The following BDNF variants were observed in gnomAD, a reference collection of about 807,000 sequenced individuals.
BDNF encodes the protein neurotrophic factor BDNF precursor form.
Under a neutral mutation model 19.5 loss-of-function variants are expected in BDNF, and 1 was observed. That is an observed-to-expected ratio of 0.05 (90% confidence interval 0.02 to 0.24). BDNF has a LOEUF of 0.24. Among genes scored for constraint, BDNF ranks in the 10% least tolerant of loss-of-function variants. The pLI is 1.00. For missense variants in BDNF, 195 were observed against 317.6 expected (o/e 0.61, Z 2.93); for synonymous variants, 100 against 121.6 (o/e 0.82, Z 1.17).
At chr11:27,721,190 A>C (rs923966936) in intron 1 of BDNF, among the ~76,000 whole-genome samples, 45 of 150,314 alleles carry the variant, frequency 3.0e-4, no homozygotes, top group East Asian at 5.9e-4. Context: ...TATAACACAC[A>C]CCCCCCCACC....
chr11:27,672,784 A>C (rs1855566233), intron 1 of BDNF, among the ~76,000 whole-genome samples: 2 of 152,154 alleles, frequency 1.3e-5, no homozygotes, highest in South Asian at 4.1e-4. Flanking sequence ...GCTTTTAAAA[A>C]AGGAAAAAAG....
At chr11:27,717,114 T>G (rs1040614757) in intron 1 of BDNF, among the ~76,000 whole-genome samples, 1 of 152,186 alleles carries the variant, frequency 6.6e-6, no homozygotes, top group African/African-American at 2.4e-5. Flanking sequence ...TATTAAGAAT[T>G]TAGATCAGAA....
intron 1 of BDNF, among the ~76,000 whole-genome samples, chr11:27,681,776 G>A (rs1332194798): frequency 1.3e-5 from 2 of 152,162 alleles, no homozygotes; most frequent in Non-Finnish European, 2.9e-5. Flanking sequence ...AACAGTGGCT[G>A]AAATTCATTA....
upstream of BDNF, among the ~76,000 whole-genome samples, chr11:27,702,840 G>A (rs979806253): frequency 2.0e-5 from 3 of 152,062 alleles, no homozygotes; most frequent in African/African-American, 7.3e-5. Flanking sequence ...GAAGTACCAG[G>A]GACAAGACTT....
chr11:27,695,480 G>T (rs750780902), intron 1 of BDNF, among the ~76,000 whole-genome samples: 12 of 152,014 alleles, frequency 7.9e-5, no homozygotes, highest in South Asian at 2.1e-4. Flanking sequence ...AAACACAGAG[G>T]GTCGTCATAA....
At position 27,720,395 on chromosome 11, in the gene BDNF, C is replaced by T. The variant is rs1027490448; in HGVS notation, c.3+1017G>A. On this transcript the variant is annotated intron_variant, in intron 1 of 1. Coordinates refer to the BDNF transcript ENST00000314915. ...GGTGGCTAGATCCTGGAGATAAACA[C>T]TTGCATTTCCCAAAGTTAACCCAGT... 5 of 985,788 alleles carry T rather than the reference C, an allele frequency of 5.1e-6. No homozygotes were observed. The African/African-American group carries it at 7.0e-5, about 14-fold the overall frequency. 61.1% of individuals were successfully genotyped at this position (985,788 alleles called of 1,614,324 possible). A position where few individuals can be genotyped will look rare whatever the true frequency, so the allele number is the denominator to read the frequency against.
At chr11:27,681,810 C>G (rs1856861639) in intron 1 of BDNF, among the ~76,000 whole-genome samples, 1 of 152,126 alleles carries the variant, frequency 6.6e-6, no homozygotes, top group Non-Finnish European at 1.5e-5. Context: ...CCAAGCACTG[C>G]TCTAAGCACT....
intron 1 of BDNF, among the ~76,000 whole-genome samples, chr11:27,712,128 C>G (rs529797772): frequency 1.3e-5 from 2 of 152,272 alleles, no homozygotes; most frequent in South Asian, 4.1e-4. Context: ...ATGCTGATTT[C>G]CTTTTGCCAG....
intron 1 of BDNF, chr11:27,691,059 C>A (rs1201802517): frequency 6.6e-6 from 1 of 152,160 alleles, no homozygotes; most frequent in Non-Finnish European, 1.5e-5. Context: ...GTCTAACAAA[C>A]ATTTTTATTG....
At chr11:27,671,114 AC>A (rs1361278253) in intron 1 of BDNF, among the ~76,000 whole-genome samples, 1 of 151,960 alleles carries the variant, frequency 6.6e-6, no homozygotes. Flanking sequence ...CAATGAGAAC[AC>A]TTGGACACAG....
chr11:27,706,011 C>G (rs1015213319), intron 1 of BDNF, among the ~76,000 whole-genome samples: 1 of 152,074 alleles, frequency 6.6e-6, no homozygotes, highest in East Asian at 1.9e-4. Context: ...TTTCCCTTGC[C>G]GTAGGTTTGG....
intron 1 of BDNF, chr11:27,699,641 C>G: frequency 7.0e-7 from 1 of 1,436,136 alleles, no homozygotes; most frequent in Non-Finnish European, 9.1e-7. Flanking sequence ...ACTTCAGTCT[C>G]AATTCCTGGG....
At chr11:27,664,944 G>A (rs1219359498) in intron 1 of BDNF, among the ~76,000 whole-genome samples, 2 of 152,120 alleles carry the variant, frequency 1.3e-5, no homozygotes, top group African/African-American at 4.8e-5. Flanking sequence ...AGAAGTCTTA[G>A]CATCAAGCAT....
At chr11:27,721,697 C>T in exon 1 of BDNF, 1 of 539,742 alleles carries the variant, frequency 1.9e-6, no homozygotes, top group South Asian at 2.2e-5. Context: ...GACACGTTTC[C>T]TTTTGAGTTC....
At chr11:27,697,262 G>A (rs1213565767) in intron 1 of BDNF, among the ~76,000 whole-genome samples, 1 of 152,100 alleles carries the variant, frequency 6.6e-6, no homozygotes, top group African/African-American at 2.4e-5. Flanking sequence ...ACTATCAGGT[G>A]GGCGTGCCCA....
At chr11:27,712,927 CTTTTTT>C (rs112937534) in intron 1 of BDNF, among the ~76,000 whole-genome samples, 1 of 117,276 alleles carries the variant, frequency 8.5e-6, no homozygotes. Flanking sequence ...TTCTTTCTTT[CTTTTTT>C]TTTTTTTTTT....
At chr11:27,694,743 ATCT>A (rs1858775717) in intron 1 of BDNF, among the ~76,000 whole-genome samples, 1 of 152,114 alleles carries the variant, frequency 6.6e-6, no homozygotes, top group African/African-American at 2.4e-5. Context: ...TTATTCTCAC[ATCT>A]TCTGAGTACA....
intron 1 of BDNF, among the ~76,000 whole-genome samples, chr11:27,689,951 C>A (rs1447409778): frequency 6.6e-6 from 1 of 152,080 alleles, no homozygotes; most frequent in Non-Finnish European, 1.5e-5. Flanking sequence ...GTTCAGCTCC[C>A]ACTTATGAGT....
intron 1 of BDNF, chr11:27,677,631 C>G (rs2133938521): frequency 6.6e-6 from 1 of 152,208 alleles, no homozygotes; most frequent in South Asian, 2.1e-4. Flanking sequence ...TCACAAGAAA[C>G]TAATACAAAT....
Sources: gnomAD v4.1 joint callset for allele counts (sites outside exome capture counted in the v4.1 genomes callset) on GRCh38, gnomAD v4.1.1 for gene constraint, MANE v1.5 for transcripts, NCBI Gene and HGNC (gene_info 2026-07-23, HGNC 2026-07-21) for gene names.